Variants in SMARCAL1 observed in about 807,000 individuals in gnomAD.
SMARCAL1 encodes ATP-driven annealing helicase.
SMARCAL1 carries 58 observed loss-of-function variants against 94.5 expected under a neutral mutation model. The ratio of observed to expected loss-of-function variants is 0.61; its 90% CI spans 0.50 to 0.76. SMARCAL1 has a LOEUF of 0.76. Among genes scored for constraint, SMARCAL1 ranks in the 30% least tolerant of loss-of-function variants. SMARCAL1 has a pLI of 0.00. For missense variants in SMARCAL1, 1,051 were observed against 1,177.9 expected (o/e 0.89, Z 1.58); for synonymous variants, 422 against 455.1 (o/e 0.93, Z 0.93).
At chr2:216,463,546 A>G (rs141513977) in intron 12 of SMARCAL1, among the ~76,000 whole-genome samples, 26 of 152,254 alleles carry the variant, frequency 1.7e-4, no homozygotes, top group African/African-American at 6.0e-4. Flanking sequence ...AATGATGGTA[A>G]GAGTATGATC....
At chr2:216,442,702 C>A (rs1189459822) in intron 10 of SMARCAL1, among the ~76,000 whole-genome samples, 1 of 152,202 alleles carries the variant, frequency 6.6e-6, no homozygotes, top group Non-Finnish European at 1.5e-5. Flanking sequence ...CAAATGACTT[C>A]TACCGCATTC....
intron 14 of SMARCAL1, among the ~76,000 whole-genome samples, chr2:216,474,615 T>C (rs536542417): frequency 6.6e-6 from 1 of 151,660 alleles, no homozygotes; most frequent in African/African-American, 2.4e-5. Context: ...ATTAGCCAGA[T>C]GTGGTGGTGT....
At chr2:216,421,761 C>T (rs1485322911) in intron 5 of SMARCAL1, among the ~76,000 whole-genome samples, 5 of 152,148 alleles carry the variant, frequency 3.3e-5, no homozygotes, top group African/African-American at 9.7e-5. Context: ...TTGGTTTAAT[C>T]TTGTTCTTAA....
rs759842283 is a variant in SMARCAL1 at position 216,415,348 on chromosome 2, C to T, written c.644C>T (p.Thr215Met). The T allele has an allele frequency of 2.4e-5, 38 of 1,614,196 alleles. No individual in the cohort carries two copies. Among genetic ancestry groups the T allele is most frequent in the Admixed American group, 3.3e-5 (2 of 60,028 alleles). The change falls in exon 3 of 18, where the codon ACG becomes ATG. Residue 215 changes from threonine (T) to methionine (M), a missense_variant. Thr to Met is a moderately conservative substitution (Grantham distance 81, BLOSUM62 -1). Around this residue, in one of 3 missense-constraint regions of SMARCAL1, gnomAD observed 398 missense variants for 395.2 expected, o/e 1.01. Transcript: ENST00000357276. Reference protein sequence around the residue: ...SYIHSSSESVTPRTEGRLQQK... With the variant: ...SYIHSSSESVMPRTEGRLQQK... The stretch of plus-strand genomic sequence containing the variant: ...ATCCATTCTAGCTCAGAGAGTGTAA[C>T]GCCCAGGACAGAAGGAAGACTCCAG...
chr2:216,427,857 A>G (rs1050314440), intron 6 of SMARCAL1, among the ~76,000 whole-genome samples: 1 of 152,230 alleles, frequency 6.6e-6, no homozygotes, highest in African/African-American at 2.4e-5. Context: ...AAAACATATG[A>G]TCACACATGT....
chr2:216,440,607 C>T (rs1251297222), intron 10 of SMARCAL1, among the ~76,000 whole-genome samples: 1 of 152,220 alleles, frequency 6.6e-6, no homozygotes, highest in Admixed American at 6.5e-5. Context: ...CCACGCTCTT[C>T]CGCAACGTTG....
chr2:216,444,122 T>A (rs1039826687), intron 10 of SMARCAL1, among the ~76,000 whole-genome samples: 1 of 152,236 alleles, frequency 6.6e-6, no homozygotes, highest in African/African-American at 2.4e-5. Flanking sequence ...AGCTTCAATG[T>A]CCCTGCCACA....
rs185860617 is a variant in SMARCAL1, at chr2:216,449,123, G to C, written c.1852-1723G>C. Among the ~76,000 whole-genome samples, 9 of 152,348 alleles carry C rather than the reference G, an allele frequency of 5.9e-5. No individual in the cohort carries two copies. In the East Asian group the frequency reaches 1.7e-3, roughly 29 times the overall value. ...AGGCATCATATGGAGAAGAGGGCAA[G>C]AGCATATGTGTCAGCTCAGGTCTCT... On this transcript the variant is annotated intron_variant, in intron 11 of 17. Transcript: ENST00000357276.
intron 11 of SMARCAL1, among the ~76,000 whole-genome samples, chr2:216,447,484 G>A (rs959046583): frequency 6.6e-6 from 1 of 152,070 alleles, no homozygotes; most frequent in Non-Finnish European, 1.5e-5. Context: ...TCTGCATGAG[G>A]CACAGTGCTG....
chr2:216,442,242 C>T (rs979110511), intron 10 of SMARCAL1, among the ~76,000 whole-genome samples: 1 of 151,920 alleles, frequency 6.6e-6, no homozygotes, highest in African/African-American at 2.4e-5. Context: ...AATGGCGAAA[C>T]CCCATCTCTA....
Position 216,435,351 on chromosome 2 carries a change from G to T in SMARCAL1, c.1499G>T (p.Trp500Leu), listed in dbSNP as rs1694058443. The change falls in exon 9 of 18, where the codon TGG (tryptophan) becomes TTG (leucine). Residue 500 changes from tryptophan (W) to leucine (L), a missense_variant. Physicochemically the swap from Trp to Leu is moderately conservative, Grantham distance 61 (BLOSUM62 -2). Around this residue, in one of 3 missense-constraint regions of SMARCAL1, gnomAD observed 642 missense variants for 754.7 expected, o/e 0.85. Coordinates refer to ENST00000357276, the MANE Select transcript of SMARCAL1 (RefSeq NM_014140.4). ...RFTWEQAFLR[W>L]LPSLSPDCIN... ...TGTCATCCACAGGCCTTCCTTCGGT[G>T]GCTGCCATCTCTGAGCCCAGATTGC... 1 of 1,613,950 alleles carries T rather than the reference G, an allele frequency of 6.2e-7. No individual in the cohort carries two copies. The highest frequency in any genetic ancestry group is 8.5e-7 in the Non-Finnish European group (1 of 1,180,022).
chr2:216,434,959 A>G (rs1434312131), intron 8 of SMARCAL1, among the ~76,000 whole-genome samples: 1 of 150,832 alleles, frequency 6.6e-6, no homozygotes, highest in East Asian at 2.0e-4. Flanking sequence ...CCCGGGTTCA[A>G]GCGATTCTCC....
At chr2:216,462,775 TAA>T (rs1694732782) in intron 12 of SMARCAL1, among the ~76,000 whole-genome samples, 1 of 151,358 alleles carries the variant, frequency 6.6e-6, no homozygotes. Context: ...TACTTGAGCC[TAA>T]GAGTTTGAGA....
At chr2:216,465,208 A>G (rs1196674052) in intron 13 of SMARCAL1, among the ~76,000 whole-genome samples, 2 of 152,226 alleles carry the variant, frequency 1.3e-5, no homozygotes, top group African/African-American at 2.4e-5. Context: ...CACACAAGGC[A>G]TAAGTTGGCC....
At chr2:216,457,393 T>C (rs1250086469) in intron 12 of SMARCAL1, among the ~76,000 whole-genome samples, 1 of 152,240 alleles carries the variant, frequency 6.6e-6, no homozygotes, top group Admixed American at 6.5e-5. Flanking sequence ...TACATTCTTC[T>C]CAGCACCACA....
At chr2:216,449,476 A>G (rs1327126604) in intron 11 of SMARCAL1, among the ~76,000 whole-genome samples, 1 of 151,994 alleles carries the variant, frequency 6.6e-6, no homozygotes, top group Non-Finnish European at 1.5e-5. Flanking sequence ...TTTGCAAACC[A>G]CTAACTATCT....
intron 4 of SMARCAL1, among the ~76,000 whole-genome samples, chr2:216,417,180 A>G (rs977042272): frequency 3.9e-5 from 6 of 152,200 alleles, no homozygotes; most frequent in African/African-American, 1.2e-4. Flanking sequence ...TTTCTGGGAA[A>G]GGTGGTTTGG....
intron 14 of SMARCAL1, among the ~76,000 whole-genome samples, chr2:216,473,107 C>A (rs114478311): frequency 2.6e-4 from 40 of 152,226 alleles, no homozygotes; most frequent in African/African-American, 8.7e-4. Context: ...ATCTGCCACC[C>A]GCTGCCCCCA....
At chr2:216,462,224 ATC>A (rs903866301) in intron 12 of SMARCAL1, among the ~76,000 whole-genome samples, 5 of 152,214 alleles carry the variant, frequency 3.3e-5, no homozygotes, top group Admixed American at 3.3e-4. Flanking sequence ...GCAGTTTTCC[ATC>A]TGTTTGTTTT....
Sources: gnomAD v4.1 joint callset for allele counts (sites outside exome capture counted in the v4.1 genomes callset) on GRCh38, gnomAD v4.1.1 for gene constraint, gnomAD v4.1.1 regional missense constraint, MANE v1.5 for transcripts, NCBI Gene and HGNC (gene_info 2026-07-23, HGNC 2026-07-21) for gene names.